A1CF: variants seen among roughly 807,000 people sequenced by gnomAD.
The protein encoded by A1CF is APOBEC-1 stimulating protein.
A neutral mutation model predicts 68.9 loss-of-function variants in A1CF; 48 were observed. The observed-to-expected ratio is 0.70, with a 90% CI of 0.55 to 0.89. A1CF has a LOEUF of 0.89. Among genes scored for constraint, A1CF ranks in the 40% least tolerant of loss-of-function variants. The probability of loss-of-function intolerance (pLI) is 0.00; values close to 1 mark genes in which losing one functional copy is unlikely to be tolerated. For synonymous variants in A1CF, 272 were observed against 260.4 expected (o/e 1.04, Z -0.43); for missense variants, 653 against 718.9 (o/e 0.91, Z 1.05).
intron 1 of A1CF, among the ~76,000 whole-genome samples, chr10:50,883,133 T>A (rs2132640487): frequency 6.6e-6 from 1 of 152,356 alleles, no homozygotes; most frequent in South Asian, 2.1e-4. Flanking sequence ...GATTTCAACT[T>A]TATTAGTATT....
chr10:50,827,740 G>A (rs1839026223), intron 7 of A1CF, among the ~76,000 whole-genome samples: 1 of 152,086 alleles, frequency 6.6e-6, no homozygotes, highest in South Asian at 2.1e-4. Context: ...AGAGAAGCAA[G>A]AGCAAACACA....
At chr10:50,874,417 T>C (rs1401790588) in intron 1 of A1CF, among the ~76,000 whole-genome samples, 1 of 152,210 alleles carries the variant, frequency 6.6e-6, no homozygotes, top group African/African-American at 2.4e-5. Context: ...TCTCCATTTG[T>C]TAAAAATGCC....
chr10:50,881,880 A>G (rs1841787677), intron 1 of A1CF, among the ~76,000 whole-genome samples: 1 of 152,234 alleles, frequency 6.6e-6, no homozygotes, highest in African/African-American at 2.4e-5. Context: ...TTCCTATTGA[A>G]TAAACAAACT....
chr10:50,814,070 C>T lies in A1CF; in HGVS notation c.1142-32G>A, dbSNP rs375346339. The T allele has an allele frequency of 5.6e-5, 90 of 1,610,970 alleles. 1 individual carries two copies. Among genetic ancestry groups the T allele is most frequent in the African/African-American group, 3.2e-4 (24 of 74,898 alleles). On this transcript the variant is annotated intron_variant, in intron 9 of 12. Transcript: ENST00000373997. The stretch of plus-strand genomic sequence containing the variant: ...GTACATTCATGTAAATTTCTAGGAA[C>T]GTAAGAAGGCATTAAACTGAATCAA...
chr10:50,828,149 ATTCCT>A lies in A1CF; in HGVS notation c.746_750del (p.Lys249IlefsTer25). 1.9e-6 allele frequency: 3 copies of A among 1,588,070 alleles called. No individual in the cohort carries two copies. The highest frequency in any genetic ancestry group is 2.6e-6 in the Non-Finnish European group (3 of 1,162,836). On this transcript the variant is annotated frameshift_variant, in exon 7 of 13. Transcript: ENST00000373997. LOFTEE classifies it high-confidence loss of function. ...GTCCTACCTGGTTTGATATTGTTGA[ATTCCT>A]TTTCAATCATCTCTTCAGAGGTAGA...
intron 8 of A1CF, among the ~76,000 whole-genome samples, chr10:50,819,504 A>T (rs1838538735): frequency 6.6e-6 from 1 of 151,864 alleles, no homozygotes; most frequent in South Asian, 2.1e-4. Context: ...TGTACCTTTG[A>T]CTCCAGAATG....
chr10:50,815,473 A>G (rs1262022526), intron 9 of A1CF, among the ~76,000 whole-genome samples: 2 of 152,194 alleles, frequency 1.3e-5, no homozygotes, highest in Admixed American at 1.3e-4. Context: ...AAAGTATAAC[A>G]TATTTCCTGG....
intron 5 of A1CF, among the ~76,000 whole-genome samples, chr10:50,840,319 A>G (rs1564514530): frequency 6.6e-6 from 1 of 152,024 alleles, no homozygotes. Flanking sequence ...CTGTGTTCCA[A>G]ACACTGGGTT....
In A1CF at chr10:50,810,881, C is replaced by T. The variant is rs116537262; in HGVS notation, c.1460+159G>A. Among the ~76,000 whole-genome samples the T allele has an allele frequency of 8.6e-3, 1,316 of 152,292 alleles. 21 individuals carry two copies. The highest frequency in any genetic ancestry group is 0.03 in the African/African-American group (1,252 of 41,554). ...TTTGGGGGCCTTTATATGCTGGTTT[C>T]ATGGCTGGCACATCCCAACTACACA... On this transcript the variant is annotated intron_variant, in intron 11 of 12. Transcript: ENST00000373997.
intron 5 of A1CF, 29 bp from the exon 6 acceptor site, chr10:50,836,341 T>G (rs1384506551): frequency 6.3e-7 from 1 of 1,596,614 alleles, no homozygotes; most frequent in Admixed American, 1.8e-5. Flanking sequence ...TTTTGATTGA[T>G]GAGAATCCTT....
intron 1 of A1CF, among the ~76,000 whole-genome samples, chr10:50,878,126 A>T (rs1337838359): frequency 6.6e-6 from 1 of 152,098 alleles, no homozygotes; most frequent in East Asian, 1.9e-4. Flanking sequence ...CATCTCAAAA[A>T]GAAAAAAAAG....
intron 8 of A1CF, among the ~76,000 whole-genome samples, chr10:50,818,335 A>G (rs951494858): frequency 4.6e-5 from 7 of 152,102 alleles, no homozygotes; most frequent in Admixed American, 3.9e-4. Flanking sequence ...AAATATCTCT[A>G]TATATGCTCA....
chr10:50,808,945 T>C (rs985661508), intron 12 of A1CF, among the ~76,000 whole-genome samples: 10 of 152,016 alleles, frequency 6.6e-5, no homozygotes, highest in Non-Finnish European at 4.4e-5. Flanking sequence ...TTTGGACTTA[T>C]GTGGCACACG....
chr10:50,812,910 C>T (rs1448897568), intron 10 of A1CF, among the ~76,000 whole-genome samples: 2 of 152,056 alleles, frequency 1.3e-5, no homozygotes, highest in African/African-American at 4.8e-5. Context: ...TAGCAGAAAC[C>T]TTAGATAAGC....
chr10:50,853,985 T>C (rs1196121719), intron 3 of A1CF, among the ~76,000 whole-genome samples: 1 of 152,050 alleles, frequency 6.6e-6, no homozygotes, highest in Non-Finnish European at 1.5e-5. Context: ...TTAAACAAAT[T>C]TCATGTATAT....
At position 50,815,930 on chromosome 10, in the gene A1CF, A is replaced by G. The variant is rs111446932; in HGVS notation, c.1141+76T>C. The stretch of plus-strand genomic sequence containing the variant: ...GCTTTTCTCCAAGTGGACCCATCCA[A>G]TGTATCTAAGGCTACTGCAATTTGA... On this transcript the variant is annotated intron_variant, in intron 9 of 12. Coordinates refer to ENST00000373997, the MANE Select transcript of A1CF (RefSeq NM_014576.4). 1.8e-5 allele frequency: 27 copies of G among 1,511,146 alleles called. 1 individual carries two copies. Among genetic ancestry groups the G allele is most frequent in the African/African-American group, 1.5e-4 (11 of 72,176 alleles). The allele number at this position is 1,511,146 out of a possible 1,614,324, so 93.6% of individuals were successfully genotyped here. A position where few individuals can be genotyped will look rare whatever the true frequency, so the allele number is the denominator to read the frequency against.
At chr10:50,830,270 T>A (rs950017351) in intron 6 of A1CF, among the ~76,000 whole-genome samples, 18 of 152,210 alleles carry the variant, frequency 1.2e-4, no homozygotes, top group Non-Finnish European at 2.5e-4. Flanking sequence ...AGTGAGATTA[T>A]GCAATATTTG....
intron 1 of A1CF, among the ~76,000 whole-genome samples, 165 bp from the exon 2 acceptor site, chr10:50,864,245 AT>A (rs1265886819): frequency 6.6e-6 from 1 of 152,168 alleles, no homozygotes; most frequent in Non-Finnish European, 1.5e-5. Flanking sequence ...TGTGCAACAT[AT>A]TGTTGTGAAG....
At chr10:50,844,348 T>C (rs1478273995) in intron 3 of A1CF, among the ~76,000 whole-genome samples, 1 of 152,050 alleles carries the variant, frequency 6.6e-6, no homozygotes, top group Non-Finnish European at 1.5e-5. Flanking sequence ...TGAAAACTTG[T>C]AAACTGCTAG....
Sources: gnomAD v4.1 joint callset for allele counts (sites outside exome capture counted in the v4.1 genomes callset) on GRCh38, gnomAD v4.1.1 for gene constraint, MANE v1.5 for transcripts, NCBI Gene and HGNC (gene_info 2026-07-23, HGNC 2026-07-21) for gene names.